SP110: variants seen among roughly 807,000 people sequenced by gnomAD.
SP110 encodes interferon-induced protein 41, 30kD.
In SP110, 62 loss-of-function variants were observed where a neutral mutation model predicts 92.7. That is an observed-to-expected ratio of 0.67 (90% confidence interval 0.55 to 0.83). SP110 has a LOEUF of 0.83. Among genes scored for constraint, SP110 ranks in the 40% least tolerant of loss-of-function variants. The pLI is 0.00. For missense variants in SP110, 793 were observed against 863.9 expected (o/e 0.92, Z 1.03); for synonymous variants, 273 against 305.3 (o/e 0.89, Z 1.10).
At chr2:230,212,644 G>C in intron 4 of SP110, 117 bp downstream of exon 4, 1 of 1,373,490 alleles carries the variant, frequency 7.3e-7, no homozygotes, top group Non-Finnish European at 1.0e-6. Flanking sequence ...TGTTTGGGTA[G>C]ATGGGTGCAA....
chr2:230,187,199 C>G (rs2042399472), intron 10 of SP110, among the ~76,000 whole-genome samples: 1 of 152,078 alleles, frequency 6.6e-6, no homozygotes, highest in South Asian at 2.1e-4. Flanking sequence ...GCCATTCTTG[C>G]AGGAGTAAGG....
At chr2:230,214,928 A>G in intron 3 of SP110, 22 bp downstream of exon 3, 1 of 1,609,696 alleles carries the variant, frequency 6.2e-7, no homozygotes, top group Non-Finnish European at 8.5e-7. Flanking sequence ...AAATGCAAAA[A>G]GCACTTGAGA....
Position 230,185,631 on chromosome 2 carries a change from C to A in SP110, c.1279+363G>T, listed in dbSNP as rs573934001. Among the ~76,000 whole-genome samples the A allele has an allele frequency of 1.1e-4, 16 of 152,346 alleles. No homozygotes were observed. In the South Asian group the frequency reaches 3.3e-3, roughly 32 times the overall value. On this transcript the variant is annotated intron_variant, in intron 11 of 18. Coordinates refer to ENST00000258381, the MANE Select transcript of SP110 (RefSeq NM_080424.4). ...TAGAAATGAAACATTAAAAAACAATCCTGCAAATGTGTCCACTTTGAGGAT... is the reference window on the plus strand; with the variant it reads ...TAGAAATGAAACATTAAAAAACAATACTGCAAATGTGTCCACTTTGAGGAT...
In SP110 at chr2:230,177,525, G is replaced by A. The variant is rs144063651; in HGVS notation, c.1590+13C>T. The stretch of plus-strand genomic sequence containing the variant: ...TTTAAACCTGTCACCTATCTGTCCC[G>A]TCATTATAATACCTTCAGCAGCTCT... On this transcript the variant is annotated intron_variant, in intron 14 of 18. Transcript: ENST00000258381. The A allele has an allele frequency of 9.9e-5, 159 of 1,613,572 alleles. No individual in the cohort carries two copies. Among genetic ancestry groups the A allele is most frequent in the East Asian group, 7.6e-4 (34 of 44,882 alleles).
chr2:230,191,395 T>G (rs1358392571), intron 10 of SP110, among the ~76,000 whole-genome samples: 1 of 151,488 alleles, frequency 6.6e-6, no homozygotes, highest in Non-Finnish European at 1.5e-5. Context: ...CTAGCCATAT[T>G]AATAAAGAAG....
intron 12 of SP110, among the ~76,000 whole-genome samples, chr2:230,181,712 C>T (rs994195118): frequency 1.3e-5 from 2 of 152,208 alleles, no homozygotes; most frequent in African/African-American, 4.8e-5. Flanking sequence ...AGCTCCACAT[C>T]ACTGAGCATT....
At chr2:230,213,148 G>A (rs2044680654) in intron 3 of SP110, 121 bp from the exon 4 acceptor site, 3 of 963,552 alleles carry the variant, frequency 3.1e-6, no homozygotes, top group Non-Finnish European at 4.9e-6. Context: ...TTGTCCCCCA[G>A]GTGCAGAGAA....
chr2:230,212,240 T>C (rs2148921876), intron 5 of SP110, 107 bp downstream of exon 5: 1 of 814,644 alleles, frequency 1.2e-6, no homozygotes, highest in Non-Finnish European at 2.1e-6. Flanking sequence ...TTTGTATTGC[T>C]CAGTTCTTTT....
chr2:230,192,063 GGCC>G (rs2042657520), intron 10 of SP110, among the ~76,000 whole-genome samples: 1 of 152,084 alleles, frequency 6.6e-6, no homozygotes, highest in African/African-American at 2.4e-5. Context: ...ATGCAGAAAA[GGCC>G]TTTGATAAAA....
At chr2:230,196,535 C>CT (rs200807246) in intron 10 of SP110, among the ~76,000 whole-genome samples, 2 of 94,068 alleles carry the variant, frequency 2.1e-5, no homozygotes, top group Non-Finnish European at 4.7e-5. Flanking sequence ...TTATAATTTT[C>CT]TTTTTTTTAA....
At position 230,167,105 on chromosome 2, in the gene SP110, CTTTTTT is replaced by C. The variant is rs34396036; in HGVS notation, c.*2013_*2018del. Reference sequence around the variant, plus strand: ...GAGCCTATTTCTTTTGTTTTCTTTCCTTTTTTTTTTTTTTTTTTTGAGGCAGGGTCT... The same window carrying C: ...GAGCCTATTTCTTTTGTTTTCTTTCCTTTTTTTTTTTTTGAGGCAGGGTCT... On this transcript the variant is annotated 3_prime_UTR_variant, in exon 19 of 19. Transcript: ENST00000258381. 3 of 119,210 alleles carry C rather than the reference CTTTTTT, an allele frequency of 2.5e-5. No individual in the cohort carries two copies. Among genetic ancestry groups the C allele is most frequent in the Non-Finnish European group, 5.2e-5 (3 of 57,416 alleles). 7.4% of individuals were successfully genotyped at this position (119,210 alleles called of 1,614,324 possible). A position where few individuals can be genotyped will look rare whatever the true frequency, so the allele number is the denominator to read the frequency against.
At chr2:230,205,889 G>A (rs2043737543) in intron 8 of SP110, among the ~76,000 whole-genome samples, 1 of 152,180 alleles carries the variant, frequency 6.6e-6, no homozygotes. Context: ...GATTGACAAA[G>A]CTCAGAAGTG....
At chr2:230,202,943 A>T in intron 8 of SP110, 1 of 590,834 alleles carries the variant, frequency 1.7e-6, no homozygotes, top group Non-Finnish European at 3.0e-6. Flanking sequence ...ATCTGCTTTC[A>T]CTCCTGGTAT....
At chr2:230,223,594 T>A (rs778126048), upstream of SP110, among the ~76,000 whole-genome samples, 11 of 152,224 alleles carry the variant, frequency 7.2e-5, no homozygotes, top group Non-Finnish European at 1.5e-4. Context: ...GGTTGAATTA[T>A]AGGCAAGAGA....
chr2:230,208,486 G>A (rs1196900367), intron 7 of SP110, among the ~76,000 whole-genome samples: 2 of 152,204 alleles, frequency 1.3e-5, no homozygotes, highest in Admixed American at 6.5e-5. Context: ...TAGAAGAGAA[G>A]GAGGGAACTC....
chr2:230,179,159 T>TATCAGCGGCGAAGAAGCCATTC (rs1406121937), intron 12 of SP110, among the ~76,000 whole-genome samples: 11 of 152,114 alleles, frequency 7.2e-5, no homozygotes, highest in Non-Finnish European at 1.5e-4. Flanking sequence ...GAAGGAACAG[T>TATCAGCGGCGAAGAAGCCATTC]ATCAGCGGCG....
In SP110 at chr2:230,216,913, T is replaced by C. The variant is rs199906944; in HGVS notation, c.15A>G (p.Thr5=). 5 of 1,613,712 alleles carry C rather than the reference T, an allele frequency of 3.1e-6. No individual in the cohort carries two copies. The East Asian group carries it at 8.9e-5, about 29-fold the overall frequency. ...GAAAAAGAGCCTCTTCCATGGCTCT[T>C]GTCATGGTGAACATCCTATGGAAAG... MFTM[T]RAMEEALFQH... is the part of the protein sequence containing the mutation. The change falls in exon 2 of 19, where the codon ACA becomes ACG. Residue 5 remains threonine (T), a synonymous_variant. Coordinates refer to ENST00000258381, the MANE Select transcript of SP110 (RefSeq NM_080424.4).
At chr2:230,174,961 T>C (rs961566238) in intron 14 of SP110, among the ~76,000 whole-genome samples, 1 of 152,190 alleles carries the variant, frequency 6.6e-6, no homozygotes, top group African/African-American at 2.4e-5. Flanking sequence ...CCCCTGGCTA[T>C]TATGAGCTGA....
At chr2:230,182,472 A>T (rs964186132) in intron 12 of SP110, among the ~76,000 whole-genome samples, 37 of 152,256 alleles carry the variant, frequency 2.4e-4, no homozygotes, top group Admixed American at 3.9e-4. Context: ...AAATATTTTT[A>T]AAAAAGGTGA....
Sources: allele counts gnomAD v4.1 joint callset (sites outside exome capture counted in the v4.1 genomes callset), GRCh38; gene constraint gnomAD v4.1.1; transcripts MANE v1.5; gene names NCBI Gene and HGNC (gene_info 2026-07-23, HGNC 2026-07-21).